JAKMIP1: variants seen among roughly 807,000 people sequenced by gnomAD.
JAKMIP1 encodes the protein janus kinase and microtubule interacting protein 1, also known as janus kinase and microtubule-interacting protein 1.
A neutral mutation model predicts 113.0 loss-of-function variants in JAKMIP1; 33 were observed. The ratio of observed to expected loss-of-function variants is 0.29; its 90% CI spans 0.22 to 0.39. The LOEUF (loss-of-function observed/expected upper bound fraction) is 0.39. JAKMIP1 is among the 10% of genes least tolerant of loss of function. The pLI is 1.00. For missense variants in JAKMIP1, 813 were observed against 1,080.5 expected, an observed-to-expected ratio of 0.75 and a Z score of 3.47; for synonymous variants, 480 against 459.9, an observed-to-expected ratio of 1.04 and a Z score of -0.56.
chr4:6,066,785 G>A (rs934206356), intron 8 of JAKMIP1, among the ~76,000 whole-genome samples: 1 of 151,976 alleles, frequency 6.6e-6, no homozygotes. Flanking sequence ...CTCTCTCTCT[G>A]GAATTATTAA....
At chr4:6,112,644 A>AC in intron 2 of JAKMIP1, 78 bp downstream of exon 2, 11 of 1,527,998 alleles carry the variant, frequency 7.2e-6, no homozygotes, top group Non-Finnish European at 8.0e-6. Context: ...CAGGCTCTTC[A>AC]CACACATGCC....
At chr4:6,090,732 C>T (rs1721940541) in intron 3 of JAKMIP1, among the ~76,000 whole-genome samples, 1 of 151,992 alleles carries the variant, frequency 6.6e-6, no homozygotes, top group Non-Finnish European at 1.5e-5. Flanking sequence ...CCATGTTGAC[C>T]GTGACTGCCT....
intron 10 of JAKMIP1, among the ~76,000 whole-genome samples, chr4:6,060,798 G>C (rs1178627519): frequency 4.6e-5 from 7 of 152,228 alleles, no homozygotes; most frequent in African/African-American, 1.4e-4. Context: ...GTTTTTGAAG[G>C]GGGTGAGTGA....
intron 3 of JAKMIP1, among the ~76,000 whole-genome samples, chr4:6,096,210 A>G (rs902044982): frequency 2.0e-5 from 3 of 152,180 alleles, no homozygotes; most frequent in Admixed American, 6.5e-5. Context: ...TTAAAAAAAA[A>G]TCCTGGCTAA....
chr4:6,062,416 G>A lies in JAKMIP1; in HGVS notation c.1456C>T (p.Leu486=), dbSNP rs1375509523. The change falls in exon 10 of 21, where the codon CTG becomes TTG. Residue 486 remains leucine (L), a synonymous_variant. Coordinates refer to ENST00000409021, the MANE Select transcript of JAKMIP1 (RefSeq NM_001099433.2). ...DDATAREEAD[L]RFCQLTREYQ... is the part of the protein sequence containing the mutation. ...TCCCGGGTCAGCTGGCAGAAGCGCA[G>A]GTCAGCCTCCTCTCGGGCTGTGGCC... 6.2e-7 allele frequency: 1 copy of A among 1,613,758 alleles called. No individual in the cohort carries two copies. Among genetic ancestry groups the A allele is most frequent in the Non-Finnish European group, 8.5e-7 (1 of 1,179,884 alleles).
At position 6,097,771 on chromosome 4, in the gene JAKMIP1, TC is replaced by T. The variant is rs1712075681; in HGVS notation, c.624+7701del. 1.3e-5 allele frequency among the ~76,000 whole-genome samples: 2 copies of T among 152,274 alleles called. No individual in the cohort carries two copies. Among genetic ancestry groups the T allele is most frequent in the South Asian group, 4.2e-4 (2 of 4,818 alleles). ...TTGACAAATGGTGTGAGTCAACCAT[TC>T]CATGGGAAAAGCCAGGCCCACGCTT... On this transcript the variant is annotated intron_variant, in intron 3 of 20. Transcript: ENST00000409021. The surrounding 1 kb of genome is among the most constrained non-coding windows in gnomAD (Gnocchi z 4.3).
At chr4:6,092,628 C>T (rs1722248440) in intron 3 of JAKMIP1, among the ~76,000 whole-genome samples, 3 of 152,260 alleles carry the variant, frequency 2.0e-5, no homozygotes, top group Admixed American at 2.0e-4. Flanking sequence ...CAGTGCACAG[C>T]ATAGTGAGGT....
In JAKMIP1 at chr4:6,059,451, C is replaced by T. The variant is rs1716953965; in HGVS notation, c.1644+973G>A. Among the ~76,000 whole-genome samples the T allele has an allele frequency of 1.3e-5, 2 of 152,182 alleles. No individual in the cohort carries two copies. The highest frequency in any genetic ancestry group is 4.8e-5 in the African/African-American group (2 of 41,460). ...ACCCGCCTCCTCCCACTGTATCCCA[C>T]CAGGCCTAGGAACTGTGGTAGACCT... On this transcript the variant is annotated intron_variant, in intron 11 of 20. Coordinates refer to ENST00000409021, the MANE Select transcript of JAKMIP1 (RefSeq NM_001099433.2). This position sits in a 1 kb window ranked among gnomAD's most constrained non-coding sequence, Gnocchi z 4.8.
At position 6,050,473 on chromosome 4, in the gene JAKMIP1, C is replaced by G. The variant is rs1279068855; in HGVS notation, c.1908+105G>C. ...CTGTGACTTTCAACACAAGGGGTATCTCATGAAAATCAATTCTATCCCAGC... is the reference window on the plus strand; with the variant it reads ...CTGTGACTTTCAACACAAGGGGTATGTCATGAAAATCAATTCTATCCCAGC... On this transcript the variant is annotated intron_variant, in intron 14 of 20. Coordinates refer to ENST00000409021, the MANE Select transcript of JAKMIP1 (RefSeq NM_001099433.2). The surrounding 1 kb of genome is among the most constrained non-coding windows in gnomAD (Gnocchi z 7.4). The G allele has an allele frequency of 4.0e-6, 3 of 745,144 alleles. No individual in the cohort carries two copies. Among genetic ancestry groups the G allele is most frequent in the Middle Eastern group, 7.5e-4 (2 of 2,664 alleles). The allele number at this position is 745,144 out of a possible 1,614,324, so 46.2% of individuals were successfully genotyped here.
At position 6,080,864 on chromosome 4, in the gene JAKMIP1, A is replaced by G. The variant is rs1720413670; in HGVS notation, c.1102-552T>C. 6.6e-6 allele frequency among the ~76,000 whole-genome samples: 1 copy of G among 152,126 alleles called. No homozygotes were observed. Among genetic ancestry groups the G allele is most frequent in the African/African-American group, 2.4e-5 (1 of 41,418 alleles). ...AGCCAAGCCCAAGGTGGGGCTGACC[A>G]TGCACACTGCTGACAGGAAGGGATG... On this transcript the variant is annotated intron_variant, in intron 6 of 20. Transcript: ENST00000409021. The surrounding 1 kb of genome is among the most constrained non-coding windows in gnomAD (Gnocchi z 6.0).
At chr4:6,077,482 CTTTTTTTTTTTT>C (rs34339999) in intron 8 of JAKMIP1, among the ~76,000 whole-genome samples, 2 of 81,546 alleles carry the variant, frequency 2.5e-5, no homozygotes, top group Non-Finnish European at 4.7e-5. Flanking sequence ...ATTTCCTTTC[CTTTTTTTTTTTT>C]TTTTTTTTTT....
At chr4:6,114,706 A>T (rs1255139821) in intron 1 of JAKMIP1, among the ~76,000 whole-genome samples, 2 of 152,250 alleles carry the variant, frequency 1.3e-5, no homozygotes, top group East Asian at 3.8e-4. Context: ...AGAAAGGTAC[A>T]TTCTGTCTTC....
chr4:6,119,569 AC>A (rs377031644), intron 1 of JAKMIP1, among the ~76,000 whole-genome samples: 92 of 113,678 alleles, frequency 8.1e-4, no homozygotes, highest in African/African-American at 2.9e-3. Flanking sequence ...AACAACAACA[AC>A]AAAAAAAAAC....
At position 6,157,178 on chromosome 4, in the gene JAKMIP1, G is replaced by T. The variant is rs1394147463; in HGVS notation, c.-148+43075C>A. Among the ~76,000 whole-genome samples, 1 of 152,162 alleles carries T rather than the reference G, an allele frequency of 6.6e-6. No homozygotes were observed. On this transcript the variant is annotated intron_variant, in intron 1 of 20. Transcript: ENST00000409021. The surrounding 1 kb of genome is among the most constrained non-coding windows in gnomAD (Gnocchi z 4.7). ...GCAAGAAGGCCCTTGCCAGATGCAG[G>T]TCCCTCCACCATGGACTTCCCAGCC...
Position 6,166,190 on chromosome 4 carries a change from G to A in JAKMIP1, c.-148+34063C>T, listed in dbSNP as rs143665153. 5.3e-5 allele frequency among the ~76,000 whole-genome samples: 8 copies of A among 152,314 alleles called. No individual in the cohort carries two copies. The East Asian group carries it at 1.5e-3, about 29-fold the overall frequency. ...CAAGAAGCATGTGGGCTTAGCTTCTGGGGGTCTCCAGCCCATGACAGATAC... is the reference window on the plus strand; with the variant it reads ...CAAGAAGCATGTGGGCTTAGCTTCTAGGGGTCTCCAGCCCATGACAGATAC... On this transcript the variant is annotated intron_variant, in intron 1 of 20. Coordinates refer to ENST00000409021, the MANE Select transcript of JAKMIP1 (RefSeq NM_001099433.2).
At chr4:6,166,160 G>C (rs75671218) in intron 1 of JAKMIP1, among the ~76,000 whole-genome samples, 2,145 of 152,312 alleles carry the variant, frequency 0.014, 54 homozygotes, top group Admixed American at 0.075. Context: ...TATATTCACA[G>C]GTTCCAAGAA....
In JAKMIP1 at chr4:6,122,290, C is replaced by A. The variant is rs567526809; in HGVS notation, c.-147-9293G>T. On this transcript the variant is annotated intron_variant, in intron 1 of 20. Coordinates refer to ENST00000409021, the MANE Select transcript of JAKMIP1 (RefSeq NM_001099433.2). ...GCAGTGAGCCGAGATCGAACCACTG[C>A]ACTCCAGCCTGGGCGACAGAGTGAG... Among the ~76,000 whole-genome samples the A allele has an allele frequency of 4.6e-5, 7 of 152,296 alleles. No homozygotes were observed. In the South Asian group the frequency reaches 1.4e-3, roughly 32 times the overall value.
At position 6,061,154 on chromosome 4, in the gene JAKMIP1, AG is replaced by A. The variant is rs1347222888; in HGVS notation, c.1561-648del. On this transcript the variant is annotated intron_variant, in intron 10 of 20. Coordinates refer to ENST00000409021, the MANE Select transcript of JAKMIP1 (RefSeq NM_001099433.2). The surrounding 1 kb of genome is among the most constrained non-coding windows in gnomAD (Gnocchi z 5.3). ...TGCTGCCAGATGTTCTGACCTTTCAAGAGAGGTCAGGAACCTGGATTTCTCT... is the reference window on the plus strand; with the variant it reads ...TGCTGCCAGATGTTCTGACCTTTCAAAGAGGTCAGGAACCTGGATTTCTCT... Among the ~76,000 whole-genome samples, 6 of 152,252 alleles carry A rather than the reference AG, an allele frequency of 3.9e-5. No individual in the cohort carries two copies. Among genetic ancestry groups the A allele is most frequent in the Non-Finnish European group, 7.3e-5 (5 of 68,040 alleles).
At chr4:6,096,841 T>C (rs546908768) in intron 3 of JAKMIP1, among the ~76,000 whole-genome samples, 44 of 152,362 alleles carry the variant, frequency 2.9e-4, no homozygotes, top group African/African-American at 1.0e-3. Flanking sequence ...CATACACTTA[T>C]ACATATAGCT....
Sources: allele counts gnomAD v4.1 joint callset (sites outside exome capture counted in the v4.1 genomes callset), GRCh38; gene constraint gnomAD v4.1.1; non-coding constraint Gnocchi (gnomAD v3.1); transcripts MANE v1.5; gene names NCBI Gene and HGNC (gene_info 2026-07-23, HGNC 2026-07-21).